The following CUX2 variants were observed in gnomAD, a reference collection of about 807,000 sequenced individuals.
CUX2 encodes cut like homeobox 2.
Under a neutral mutation model 144.8 loss-of-function variants are expected in CUX2, and 40 were observed. The observed-to-expected ratio is 0.28, with a 90% confidence interval of 0.21 to 0.36. The LOEUF is 0.36. Ranked by LOEUF, CUX2 falls within the 10% of genes least tolerant of loss-of-function variation. The pLI is 1.00. For synonymous variants in CUX2, 827 were observed against 875.6 expected (o/e 0.94, Z 0.98); for missense variants, 1,615 against 1,994.0 (o/e 0.81, Z 3.62).
Position 111,341,939 on chromosome 12 carries a change from C to T in CUX2, c.3545C>T (p.Ala1182Val), listed in dbSNP as rs747304395. 1 of 1,614,000 alleles carries T rather than the reference C, an allele frequency of 6.2e-7. No homozygotes were observed. Among genetic ancestry groups the T allele is most frequent in the Non-Finnish European group, 8.5e-7 (1 of 1,180,030 alleles). ...RVVLAPEEKE[A>V]LRKAYQLEPY... ...GTGCTGGCACCCGAGGAGAAGGAGG[C>T]ACTGCGGAAGGCCTATCAGCTGGAA... Residue 1182 changes from alanine (A) to valine (V), a missense_variant, in exon 21 of 22, where the codon GCA (alanine) becomes GTA (valine). Around this residue, in one of 12 missense-constraint regions of CUX2, gnomAD observed 131 missense variants for 223.1 expected, o/e 0.59. Coordinates refer to ENST00000261726, the MANE Select transcript of CUX2 (RefSeq NM_015267.4).
intron 16 of CUX2, among the ~76,000 whole-genome samples, chr12:111,318,388 C>A (rs2136393688): frequency 6.6e-6 from 1 of 151,524 alleles, no homozygotes; most frequent in African/African-American, 2.4e-5. Flanking sequence ...CTGCTCCCAG[C>A]CTTCACCTGC....
At chr12:111,154,197 G>A (rs533669718) in intron 1 of CUX2, among the ~76,000 whole-genome samples, 3 of 152,088 alleles carry the variant, frequency 2.0e-5, no homozygotes, top group Admixed American at 6.5e-5. Context: ...CAGCAGGCTC[G>A]CTGGGGCTCT....
At chr12:111,296,614 G>A (rs1886010326) in intron 8 of CUX2, 75 bp downstream of exon 8, 2 of 1,381,266 alleles carry the variant, frequency 1.4e-6, no homozygotes, top group East Asian at 2.5e-5. Flanking sequence ...TGACCCTCCA[G>A]TACTTGCCTC....
chr12:111,341,638 T>TG (rs1888580798), intron 20 of CUX2, 142 bp from the exon 21 acceptor site: 3 of 941,370 alleles, frequency 3.2e-6, no homozygotes, highest in East Asian at 2.5e-5. Context: ...GGAGAAAGGC[T>TG]GGGGGGCGGG....
intron 1 of CUX2, among the ~76,000 whole-genome samples, chr12:111,075,211 G>A (rs1025796586): frequency 5.9e-5 from 9 of 151,998 alleles, no homozygotes; most frequent in African/African-American, 1.2e-4. Context: ...CCCTGGAGCC[G>A]TCAGACCGCA....
At chr12:111,232,726 G>A (rs536154005) in intron 3 of CUX2, among the ~76,000 whole-genome samples, 3 of 152,126 alleles carry the variant, frequency 2.0e-5, no homozygotes, top group Non-Finnish European at 4.4e-5. Flanking sequence ...GGGAAAGTTT[G>A]CCAGCCCCTG....
At chr12:111,323,173 G>A (rs940665954) in intron 18 of CUX2, among the ~76,000 whole-genome samples, 2 of 152,174 alleles carry the variant, frequency 1.3e-5, no homozygotes, top group East Asian at 1.9e-4. Flanking sequence ...GCACCTACCC[G>A]GGCCCTGCAC....
At chr12:111,236,074 C>G (rs897426107) in intron 3 of CUX2, among the ~76,000 whole-genome samples, 1 of 152,182 alleles carries the variant, frequency 6.6e-6, no homozygotes, top group Non-Finnish European at 1.5e-5. Context: ...CTCATCTTTC[C>G]TATCTGGAAA....
intron 18 of CUX2, among the ~76,000 whole-genome samples, chr12:111,327,888 C>T (rs1484427582): frequency 6.6e-6 from 1 of 152,072 alleles, no homozygotes; most frequent in African/African-American, 2.4e-5. Flanking sequence ...AAAACCCCTT[C>T]TGTACAAAAT....
At chr12:111,172,285 A>G (rs1424128205) in intron 1 of CUX2, among the ~76,000 whole-genome samples, 1 of 152,256 alleles carries the variant, frequency 6.6e-6, no homozygotes, top group African/African-American at 2.4e-5. Context: ...AAAAATAAAC[A>G]TTAAACAATT....
intron 1 of CUX2, among the ~76,000 whole-genome samples, chr12:111,170,212 C>T (rs867373775): frequency 6.6e-6 from 1 of 152,154 alleles, no homozygotes; most frequent in Middle Eastern, 3.4e-3. Flanking sequence ...GGCAGATCAC[C>T]TGAGGTCGGG....
At position 111,291,440 on chromosome 12, in the gene CUX2, G is replaced by A. The variant is rs372659202; in HGVS notation, c.324G>A (p.Ala108=). ...CAGACCCCGTGCCTGTGTTTGAGGC[G>A]GCACGCAGCCTAGACGACAGACTGC... ...EAPDPVPVFE[A]ARSLDDRLQP... is the part of the protein sequence containing the mutation. The change falls in exon 5 of 22, where the codon GCG becomes GCA. Residue 108 remains alanine, a synonymous_variant. Coordinates refer to ENST00000261726, the MANE Select transcript of CUX2 (RefSeq NM_015267.4). The A allele has an allele frequency of 1.2e-5, 19 of 1,611,216 alleles. No homozygotes were observed. The highest frequency in any genetic ancestry group is 1.7e-4 in the Middle Eastern group (1 of 5,920).
At chr12:111,335,883 A>G (rs58250653) in intron 19 of CUX2, among the ~76,000 whole-genome samples, 5,256 of 151,900 alleles carry the variant, frequency 0.035, 232 homozygotes, top group East Asian at 0.21. Context: ...TCCAGCCTGG[A>G]CGACAGAGGA....
In CUX2 at chr12:111,289,644, G is replaced by A. The variant is rs1022732826; in HGVS notation, c.302-1774G>A. 6.6e-6 allele frequency among the ~76,000 whole-genome samples: 1 copy of A among 152,120 alleles called. No individual in the cohort carries two copies. Among genetic ancestry groups the A allele is most frequent in the Non-Finnish European group, 1.5e-5 (1 of 68,008 alleles). ...GTGTAAAGGGCTGGGAGAGGGAACC[G>A]AATTCCAGGCAGAAGGACCTGCACG... is the stretch of plus-strand genomic sequence containing the variant. On this transcript the variant is annotated intron_variant, in intron 4 of 21. Transcript: ENST00000261726. This position sits in a 1 kb window ranked among gnomAD's most constrained non-coding sequence, Gnocchi z 4.1.
At chr12:111,040,501 G>T (rs866277601) in intron 1 of CUX2, among the ~76,000 whole-genome samples, 1 of 151,004 alleles carries the variant, frequency 6.6e-6, no homozygotes, top group African/African-American at 2.4e-5. Context: ...CTCTGCCTGC[G>T]ACCCTTTCCC....
chr12:111,320,338 T>A lies in CUX2; in HGVS notation c.2329T>A (p.Ser777Thr). Residue 777 changes from serine to threonine, a missense_variant, in exon 17 of 22, where the codon TCC becomes ACC. Around this residue, in one of 12 missense-constraint regions of CUX2, gnomAD observed 390 missense variants for 387.1 expected, o/e 1.01. Transcript: ENST00000261726. The surrounding 1 kb of genome is among the most constrained non-coding windows in gnomAD (Gnocchi z 8.1). ...FVQSIIRKVK[S>T]EIGDAGYFDH... is the part of the protein sequence containing the mutation. ...GCAGAGCATCATCCGCAAGGTCAAG[T>A]CCGAGATCGGCGACGCCGGCTACTT... 6.3e-7 allele frequency: 1 copy of A among 1,598,070 alleles called. No homozygotes were observed.
In CUX2 at chr12:111,310,777, C is replaced by A; in HGVS notation, c.1900+95C>A. 7.3e-7 allele frequency: 1 copy of A among 1,363,894 alleles called. No homozygotes were observed. Among genetic ancestry groups the A allele is most frequent in the South Asian group, 1.5e-5 (1 of 68,550 alleles). The allele number at this position is 1,363,894 out of a possible 1,614,324, so 84.5% of individuals were successfully genotyped here. On this transcript the variant is annotated intron_variant, in intron 15 of 21. Transcript: ENST00000261726. This position sits in a 1 kb window ranked among gnomAD's most constrained non-coding sequence, Gnocchi z 7.9. The stretch of plus-strand genomic sequence containing the variant: ...AGGACACGCGCTCTGGGTTCAAAGC[C>A]CAGCTCTACCACCACCTGGCTGTGT...
intron 1 of CUX2, among the ~76,000 whole-genome samples, chr12:111,159,721 C>G (rs1877627565): frequency 1.3e-5 from 2 of 152,084 alleles, no homozygotes; most frequent in African/African-American, 2.4e-5. Flanking sequence ...CAAGTGCAGC[C>G]CTATTTAAAA....
chr12:111,050,762 C>T (rs1171467186), intron 1 of CUX2, among the ~76,000 whole-genome samples: 1 of 152,224 alleles, frequency 6.6e-6, no homozygotes, highest in African/African-American at 2.4e-5. Flanking sequence ...TCTTCCTTTG[C>T]TGACTCTGGC....
Sources: gnomAD v4.1 joint callset for allele counts (sites outside exome capture counted in the v4.1 genomes callset) on GRCh38, gnomAD v4.1.1 for gene constraint, gnomAD v4.1.1 regional missense constraint, Gnocchi (gnomAD v3.1) non-coding constraint, MANE v1.5 for transcripts, NCBI Gene and HGNC (gene_info 2026-07-23, HGNC 2026-07-21) for gene names.